The following CERKL variants were observed in gnomAD, a reference collection of about 807,000 sequenced individuals.
CERKL encodes the protein ceramide kinase-like protein.
In CERKL, 61 loss-of-function variants were observed where a neutral mutation model predicts 63.4. The observed-to-expected ratio is 0.96, with a 90% CI of 0.78 to 1.19. CERKL has a LOEUF of 1.19. Ranked by LOEUF, CERKL falls within the 50% of genes most tolerant of loss-of-function variation. CERKL has a pLI of 0.00. For missense variants in CERKL, 675 were observed against 655.5 expected, an observed-to-expected ratio of 1.03 and a Z score of -0.33; for synonymous variants, 250 against 230.5, an observed-to-expected ratio of 1.08 and a Z score of -0.77.
intron 1 of CERKL, among the ~76,000 whole-genome samples, chr2:181,635,452 G>T (rs1371035943): frequency 6.6e-6 from 1 of 151,916 alleles, no homozygotes; most frequent in Non-Finnish European, 1.5e-5. Flanking sequence ...AAATGGGTGA[G>T]GAATGGAAAT....
At chr2:181,568,495 C>T (rs1293422882) in intron 3 of CERKL, among the ~76,000 whole-genome samples, 8 of 152,084 alleles carry the variant, frequency 5.3e-5, no homozygotes, top group Non-Finnish European at 1.2e-4. Context: ...AGCATTCCTC[C>T]ATTTCTCCCA....
intron 2 of CERKL, among the ~76,000 whole-genome samples, chr2:181,602,475 CTA>C (rs1366222685): frequency 2.6e-5 from 4 of 152,172 alleles, no homozygotes; most frequent in African/African-American, 9.7e-5. Context: ...TACATATTCT[CTA>C]TGTTTCCAGA....
intron 5 of CERKL, among the ~76,000 whole-genome samples, chr2:181,556,337 C>CACCCAT (rs1688204996): frequency 1.3e-5 from 2 of 152,100 alleles, no homozygotes; most frequent in South Asian, 4.2e-4. Context: ...TGGTGTGCTG[C>CACCCAT]ACCCATTAAC....
rs1687375241 is a variant in CERKL at position 181,539,284 on chromosome 2, A to G, written c.1366-20T>C. 2.7e-6 allele frequency: 4 copies of G among 1,478,896 alleles called. No individual in the cohort carries two copies. The African/African-American group carries it at 4.2e-5, about 15-fold the overall frequency. 91.6% of individuals were successfully genotyped at this position (1,478,896 alleles called of 1,614,324 possible). ...ATTGAACTAAAAATAAATACAAATA[A>G]TCATTATACTTGGTTTATCTCTAGC... On this transcript the variant is annotated intron_variant, in intron 11 of 12. Coordinates refer to ENST00000410087, the MANE Select transcript of CERKL (RefSeq NM_201548.5).
intron 11 of CERKL, among the ~76,000 whole-genome samples, chr2:181,542,073 C>CAAA (rs1687533362): frequency 6.6e-6 from 1 of 152,092 alleles, no homozygotes; most frequent in Non-Finnish European, 1.5e-5. Flanking sequence ...GAGAGGGCTG[C>CAAA]AAAGAAATCC....
At chr2:181,587,232 A>G (rs1261039577) in intron 2 of CERKL, among the ~76,000 whole-genome samples, 1 of 152,218 alleles carries the variant, frequency 6.6e-6, no homozygotes, top group African/African-American at 2.4e-5. Flanking sequence ...CGTAAGTCAA[A>G]GTAAAAACAA....
intron 6 of CERKL, among the ~76,000 whole-genome samples, 173 bp downstream of exon 6, chr2:181,549,461 G>C (rs1390083462): frequency 1.3e-5 from 2 of 152,152 alleles, no homozygotes; most frequent in African/African-American, 2.4e-5. Flanking sequence ...ATTTTGAAAA[G>C]ACAGGCAATC....
Position 181,539,175 on chromosome 2 carries a change from C to T in CERKL, c.1455G>A (p.Glu485=), listed in dbSNP as rs770333200. ...NNTGGYNPEE[E]EDETASENCF... The stretch of plus-strand genomic sequence containing the variant: ...AATTTTCTGAAGCAGTTTCATCCTC[C>T]TCCTCCTCTGGATTATATCCACCAG... The change falls in exon 12 of 13, where the codon GAG becomes GAA. Residue 485 remains glutamate, a synonymous_variant. Coordinates refer to ENST00000410087, the MANE Select transcript of CERKL (RefSeq NM_201548.5). 1 of 1,606,916 alleles carries T rather than the reference C, an allele frequency of 6.2e-7. No homozygotes were observed. Among genetic ancestry groups the T allele is most frequent in the South Asian group, 1.1e-5 (1 of 90,934 alleles).
At chr2:181,564,124 G>T (rs1275033882) in intron 4 of CERKL, among the ~76,000 whole-genome samples, 1 of 152,100 alleles carries the variant, frequency 6.6e-6, no homozygotes. Flanking sequence ...AATAGGGTTC[G>T]CACTCCTGTG....
At chr2:181,556,443 T>C (rs1038286916) in intron 5 of CERKL, among the ~76,000 whole-genome samples, 1 of 151,966 alleles carries the variant, frequency 6.6e-6, no homozygotes. Flanking sequence ...CCTTCCTGTG[T>C]CCAAGTGTTC....
At chr2:181,628,790 G>C (rs898226714) in intron 1 of CERKL, among the ~76,000 whole-genome samples, 2 of 152,126 alleles carry the variant, frequency 1.3e-5, no homozygotes, top group Non-Finnish European at 2.9e-5. Flanking sequence ...TTACTGCTGA[G>C]ATCAGCAAGT....
chr2:181,600,261 A>G (rs756589137), intron 2 of CERKL, among the ~76,000 whole-genome samples: 2 of 152,254 alleles, frequency 1.3e-5, no homozygotes, highest in African/African-American at 4.8e-5. Flanking sequence ...ACACAAAAGT[A>G]CAAGGCTCAG....
intron 10 of CERKL, among the ~76,000 whole-genome samples, chr2:181,546,947 C>T (rs1574434791): frequency 1.3e-5 from 2 of 152,096 alleles, no homozygotes; most frequent in East Asian, 3.9e-4. Flanking sequence ...TGGGAGAGAC[C>T]TGGTGGGAGA....
chr2:181,587,055 T>C (rs927792439), intron 2 of CERKL, among the ~76,000 whole-genome samples: 2 of 152,198 alleles, frequency 1.3e-5, no homozygotes, highest in Non-Finnish European at 2.9e-5. Flanking sequence ...GTAACAGTGA[T>C]GGTAAAAGCC....
intron 2 of CERKL, among the ~76,000 whole-genome samples, chr2:181,577,046 T>G (rs1319973257): frequency 6.6e-6 from 1 of 152,190 alleles, no homozygotes; most frequent in Non-Finnish European, 1.5e-5. Flanking sequence ...CCCAGAATTT[T>G]GGGCTTAGTA....
rs1225818284 is a variant in CERKL, at chr2:181,549,643, T to C, written c.886A>G (p.Ile296Val). The C allele has an allele frequency of 1.9e-6, 3 of 1,607,624 alleles. No homozygotes were observed. Among genetic ancestry groups the C allele is most frequent in the Admixed American group, 3.3e-5 (2 of 59,954 alleles). Residue 296 changes from isoleucine (I) to valine (V), a missense_variant, in exon 6 of 13, where the codon ATT becomes GTT. Transcript: ENST00000410087. ...TTGGAAGAATTCTTACCCATTATAA[T>C]GTGCAATGTTGCAGTTATCACATGA... is the stretch of plus-strand genomic sequence containing the variant. ...VPHVITATLHIIMGHVQLVDV... is the reference protein window; with the variant it reads ...VPHVITATLHVIMGHVQLVDV...
At chr2:181,592,877 T>C (rs903226795) in intron 2 of CERKL, among the ~76,000 whole-genome samples, 1 of 152,006 alleles carries the variant, frequency 6.6e-6, no homozygotes, top group African/African-American at 2.4e-5. Context: ...ATGATGACGG[T>C]GATAATGATG....
chr2:181,597,608 T>C (rs1053429946), intron 2 of CERKL, among the ~76,000 whole-genome samples: 3 of 152,200 alleles, frequency 2.0e-5, no homozygotes, highest in African/African-American at 7.2e-5. Flanking sequence ...GCAATGTTAT[T>C]GGTGGTAATT....
At chr2:181,602,909 T>C (rs1685516885) in intron 2 of CERKL, among the ~76,000 whole-genome samples, 1 of 152,092 alleles carries the variant, frequency 6.6e-6, no homozygotes, top group Non-Finnish European at 1.5e-5. Flanking sequence ...AAAAAATAAA[T>C]CCTAAGATCA....
Sources: gnomAD v4.1 joint callset for allele counts (sites outside exome capture counted in the v4.1 genomes callset) on GRCh38, gnomAD v4.1.1 for gene constraint, MANE v1.5 for transcripts, NCBI Gene and HGNC (gene_info 2026-07-23, HGNC 2026-07-21) for gene names.